The following CACNA1S variants were observed in gnomAD, a reference collection of about 807,000 sequenced individuals.
CACNA1S encodes voltage-dependent L-type calcium channel subunit alpha-1S.
CACNA1S carries 126 observed loss-of-function variants against 207.4 expected under a neutral mutation model. That is an observed-to-expected ratio of 0.61 (90% CI 0.53 to 0.70). The LOEUF (loss-of-function observed/expected upper bound fraction) is 0.70, where lower values mean the gene tolerates loss of function less well. Ranked by LOEUF, CACNA1S falls within the 30% of genes least tolerant of loss-of-function variation. The probability of loss-of-function intolerance (pLI) is 0.00; values close to 1 mark genes in which losing one functional copy is unlikely to be tolerated. For missense variants in CACNA1S, 2,349 were observed against 2,422.8 expected (o/e 0.97, Z 0.64); for synonymous variants, 960 against 932.7 (o/e 1.03, Z -0.53).
In CACNA1S at chr1:201,061,958, G is replaced by A. The variant is rs139235699; in HGVS notation, c.3039C>T (p.Phe1013=). ...AMMSLFTVST[F]EGWPQLLYKA... is the part of the protein sequence containing the mutation. ...CCATCACTCACTGAGGCCATCCCTC[G>A]AAGGTGGAGACCGTGAAGAGGGACA... The change falls in exon 24 of 44, where the codon TTC becomes TTT. Residue 1013 remains phenylalanine (F), a synonymous_variant. Coordinates refer to ENST00000362061, the MANE Select transcript of CACNA1S (RefSeq NM_000069.3). 1.3e-5 allele frequency: 21 copies of A among 1,614,090 alleles called. No homozygotes were observed. Among genetic ancestry groups the A allele is most frequent in the African/African-American group, 5.3e-5 (4 of 74,944 alleles).
intron 2 of CACNA1S, among the ~76,000 whole-genome samples, chr1:201,095,475 C>A (rs933187633): frequency 1.3e-4 from 20 of 152,134 alleles, no homozygotes; most frequent in Non-Finnish European, 5.9e-5. Flanking sequence ...GTATGGGAGG[C>A]AAGGGAAGAG....
rs750305719 is a variant in CACNA1S, at chr1:201,075,614, A to G, written c.1829T>C (p.Val610Ala). The G allele has an allele frequency of 1.2e-6, 2 of 1,614,086 alleles. No individual in the cohort carries two copies. Among genetic ancestry groups the G allele is most frequent in the South Asian group, 2.2e-5 (2 of 91,072 alleles). ...TGAGGTCCAGTCTTCCCCTGTCAGT[A>G]CCTGTATGGAGGGAGGATAGAGGGC... ...FPQALISVFQVLTGEDWTSMM... is the reference protein window; with the variant it reads ...FPQALISVFQALTGEDWTSMM... The change falls in exon 13 of 44, where the codon GTA (valine) becomes GCA (alanine). Residue 610 changes from valine (V) to alanine (A), a missense_variant and splice_region_variant. Transcript: ENST00000362061.
chr1:201,077,268 T>TTCA, intron 11 of CACNA1S, 141 bp from the exon 12 acceptor site: 1 of 708,378 alleles, frequency 1.4e-6, no homozygotes, highest in Non-Finnish European at 2.5e-6. Context: ...AGACCCTGGA[T>TTCA]TCATGGCTGC....
At chr1:201,108,347 C>G (rs2102188020) in intron 2 of CACNA1S, among the ~76,000 whole-genome samples, 1 of 152,280 alleles carries the variant, frequency 6.6e-6, no homozygotes, top group East Asian at 1.9e-4. Context: ...AAGATTTCTT[C>G]ACGTCTCAGC....
chr1:201,060,563 G>C, intron 26 of CACNA1S, 95 bp downstream of exon 26: 3 of 1,326,420 alleles, frequency 2.3e-6, no homozygotes, highest in African/African-American at 1.4e-5. Flanking sequence ...AATGTCTACT[G>C]GGGGGAATCC....
rs191505343 is a variant in CACNA1S, at chr1:201,068,512, G to A, written c.2550+625C>T. On this transcript the variant is annotated intron_variant, in intron 19 of 43. Coordinates refer to ENST00000362061, the MANE Select transcript of CACNA1S (RefSeq NM_000069.3). ...CCCGCCTCGGCCTCCCAAAGTGCTG[G>A]GATTACAGGCGTGAGCCACTGCGCC... Among the ~76,000 whole-genome samples the A allele has an allele frequency of 1.4e-3, 211 of 150,844 alleles. 5 individuals carry two copies. In the East Asian group the frequency reaches 0.041, roughly 29 times the overall value.
At chr1:201,063,159 A>T (rs1268195745) in intron 22 of CACNA1S, among the ~76,000 whole-genome samples, 1 of 148,644 alleles carries the variant, frequency 6.7e-6, no homozygotes, top group African/African-American at 2.5e-5. Context: ...GGCTTTGCAG[A>T]TTATTTATTA....
intron 38 of CACNA1S, among the ~76,000 whole-genome samples, chr1:201,045,934 GA>G (rs1194712342): frequency 4.0e-5 from 6 of 151,812 alleles, no homozygotes; most frequent in Non-Finnish European, 1.5e-5. Context: ...AAATGGTTCA[GA>G]AAAAAAGGTT....
intron 1 of CACNA1S, among the ~76,000 whole-genome samples, chr1:201,111,336 A>G (rs150641331): frequency 5.2e-4 from 79 of 152,204 alleles, no homozygotes; most frequent in African/African-American, 1.8e-3. Flanking sequence ...AAATATTTCA[A>G]ATATGCCCCA....
At chr1:201,040,940 G>A (rs757169646) in intron 41 of CACNA1S, among the ~76,000 whole-genome samples, 3 of 152,176 alleles carry the variant, frequency 2.0e-5, no homozygotes, top group African/African-American at 4.8e-5. Flanking sequence ...TTGAAGGTTT[G>A]GGAGAGGGGA....
At chr1:201,058,379 A>G in intron 28 of CACNA1S, 29 bp downstream of exon 28, 1 of 1,588,014 alleles carries the variant, frequency 6.3e-7, no homozygotes, top group Non-Finnish European at 8.6e-7. Context: ...GGCCCACCCT[A>G]GTGATGGCTC....
chr1:201,043,488 C>T lies in CACNA1S; in HGVS notation c.4841G>A (p.Arg1614Lys), dbSNP rs1234083777. Residue 1614 changes from arginine (R) to lysine (K), a missense_variant, in exon 40 of 44, where the codon AGG becomes AAG. By Grantham distance (26) the Arg-to-Lys change is conservative (BLOSUM62 2). Transcript: ENST00000362061. ...LFGQVDNFLE[R>K]TNSLPPVMAN... Reference sequence around the variant, plus strand: ...CATGACGGGGGGCAGGGAGTTGGTCCTTTCCAGGAAGTTGTCCACCTGGCC... The same window carrying T: ...CATGACGGGGGGCAGGGAGTTGGTCTTTTCCAGGAAGTTGTCCACCTGGCC... 6 of 1,613,868 alleles carry T rather than the reference C, an allele frequency of 3.7e-6. No homozygotes were observed. The Admixed American group carries it at 1.0e-4, about 27-fold the overall frequency.
chr1:201,077,902 G>A lies in CACNA1S; in HGVS notation c.1596C>T (p.Leu532=). 6.2e-7 allele frequency: 1 copy of A among 1,613,962 alleles called. No homozygotes were observed. Among genetic ancestry groups the A allele is most frequent in the Non-Finnish European group, 8.5e-7 (1 of 1,179,824 alleles). Residue 532 remains leucine, a synonymous_variant, in exon 11 of 44, where the codon CTC becomes CTT. Coordinates refer to ENST00000362061, the MANE Select transcript of CACNA1S (RefSeq NM_000069.3). ...LGISVLRCIR[L]LRIFKITKYW... ...ACTTGGTGATCTTGAAGATCCTCAG[G>A]AGGCGGATGCAGCGGAGCACGGAGA...
At chr1:201,051,612 A>T (rs1165665317) in intron 32 of CACNA1S, among the ~76,000 whole-genome samples, 2 of 152,144 alleles carry the variant, frequency 1.3e-5, no homozygotes, top group African/African-American at 4.8e-5. Flanking sequence ...AAGAATCTCA[A>T]TGCATCCGAG....
chr1:201,073,549 C>G lies in CACNA1S; in HGVS notation c.2157G>C (p.Lys719Asn). The G allele has an allele frequency of 1.9e-6, 3 of 1,612,348 alleles. No individual in the cohort carries two copies. The highest frequency in any genetic ancestry group is 2.5e-6 in the Non-Finnish European group (3 of 1,178,338). The change falls in exon 15 of 44, where the codon AAG (lysine) becomes AAC (asparagine). Residue 719 changes from lysine to asparagine, a missense_variant and splice_region_variant. Transcript: ENST00000362061. ...TAACATCCCCACCTGAGGTGCTCAC[C>G]TTGGCAGTGGTGGGGATGCCCTCAC... ...PKGEGIPTTA[K>N]LKIDEFESNV...
intron 40 of CACNA1S, among the ~76,000 whole-genome samples, chr1:201,042,205 G>T (rs922675061): frequency 6.6e-6 from 1 of 152,174 alleles, no homozygotes; most frequent in Non-Finnish European, 1.5e-5. Context: ...GGCACAATCA[G>T]CTCACTGCAA....
At chr1:201,044,201 G>C (rs1216827635) in intron 39 of CACNA1S, 127 bp downstream of exon 39, 1 of 1,150,890 alleles carries the variant, frequency 8.7e-7, no homozygotes, top group East Asian at 2.6e-5. Flanking sequence ...GAAGTGGAGA[G>C]ACGGAGTGGG....
At chr1:201,073,210 G>A (rs961033562) in intron 15 of CACNA1S, among the ~76,000 whole-genome samples, 1 of 152,224 alleles carries the variant, frequency 6.6e-6, no homozygotes, top group Non-Finnish European at 1.5e-5. Context: ...AGATGGGAAT[G>A]AGCAGGGCAG....
intron 2 of CACNA1S, among the ~76,000 whole-genome samples, chr1:201,109,600 T>C (rs1663024724): frequency 6.6e-6 from 1 of 152,204 alleles, no homozygotes; most frequent in Non-Finnish European, 1.5e-5. Flanking sequence ...GACAGCTTAA[T>C]TTTTGAATAT....
Sources: allele counts gnomAD v4.1 joint callset (sites outside exome capture counted in the v4.1 genomes callset), GRCh38; gene constraint gnomAD v4.1.1; transcripts MANE v1.5; gene names NCBI Gene and HGNC (gene_info 2026-07-23, HGNC 2026-07-21).